Variants in SLC35F4 observed in about 807,000 individuals in gnomAD.
SLC35F4 encodes the protein chromosome 14 open reading frame 36.
In SLC35F4, 24 loss-of-function variants were observed where a neutral mutation model predicts 44.2. The observed-to-expected ratio is 0.54, with a 90% confidence interval of 0.39 to 0.76. SLC35F4 has a LOEUF of 0.76. SLC35F4 is among the 30% of genes least tolerant of loss of function. SLC35F4 has a pLI of 0.00. For missense variants in SLC35F4, 562 were observed against 586.1 expected (o/e 0.96, Z 0.42); for synonymous variants, 238 against 223.6 (o/e 1.06, Z -0.57).
At chr14:57,876,586 C>T (rs1306770810) in intron 1 of SLC35F4, among the ~76,000 whole-genome samples, 5 of 152,070 alleles carry the variant, frequency 3.3e-5, no homozygotes, top group Non-Finnish European at 7.4e-5. Flanking sequence ...TAAGTTACTT[C>T]TTATAAAAAC....
intron 1 of SLC35F4, among the ~76,000 whole-genome samples, chr14:57,813,880 T>C (rs1241049279): frequency 6.6e-6 from 1 of 152,080 alleles, no homozygotes; most frequent in African/African-American, 2.4e-5. Context: ...TGGTGCAAAT[T>C]CCCTTAGGTG....
intron 1 of SLC35F4, among the ~76,000 whole-genome samples, chr14:57,613,989 A>G (rs1384543421): frequency 6.6e-6 from 1 of 152,250 alleles, no homozygotes; most frequent in East Asian, 1.9e-4. Flanking sequence ...CTCTCAAAAA[A>G]TATTTACTGA....
chr14:57,911,917 C>T (rs773655271), intron 1 of SLC35F4, among the ~76,000 whole-genome samples: 11 of 151,978 alleles, frequency 7.2e-5, no homozygotes, highest in African/African-American at 2.6e-4. Flanking sequence ...CTAATGCTTT[C>T]TATTTTGGAA....
At chr14:57,649,626 G>C (rs1339992973) in intron 1 of SLC35F4, among the ~76,000 whole-genome samples, 1 of 152,158 alleles carries the variant, frequency 6.6e-6, no homozygotes. Flanking sequence ...TGGCATCTCT[G>C]AGGGGTCATT....
rs538887284 is a variant in SLC35F4, at chr14:57,803,460, G to A, written c.103+62263C>T. On this transcript the variant is annotated intron_variant, in intron 1 of 7. Coordinates refer to ENST00000556826, the MANE Select transcript of SLC35F4 (RefSeq NM_001306087.2). Reference sequence around the variant, plus strand: ...GTATTGGAAGTTCTGGCCAGGGCAAGCATGCAAGAGAAATAAGTAAAGGGT... The same window carrying A: ...GTATTGGAAGTTCTGGCCAGGGCAAACATGCAAGAGAAATAAGTAAAGGGT... 2.0e-5 allele frequency among the ~76,000 whole-genome samples: 3 copies of A among 152,118 alleles called. No individual in the cohort carries two copies. The East Asian group carries it at 5.8e-4, about 29-fold the overall frequency.
intron 1 of SLC35F4, among the ~76,000 whole-genome samples, chr14:57,782,304 C>G (rs1277978980): frequency 6.7e-6 from 1 of 148,468 alleles, no homozygotes; most frequent in Non-Finnish European, 1.5e-5. Flanking sequence ...GATTTTTTTT[C>G]AATATACTGG....
intron 1 of SLC35F4, among the ~76,000 whole-genome samples, chr14:57,977,708 C>T (rs1415920909): frequency 6.6e-6 from 1 of 152,144 alleles, no homozygotes; most frequent in African/African-American, 2.4e-5. Context: ...TTCCTCCAGT[C>T]GCACCAATGG....
chr14:57,967,087 C>T (rs934516400), intron 1 of SLC35F4, among the ~76,000 whole-genome samples: 2 of 151,784 alleles, frequency 1.3e-5, no homozygotes, highest in African/African-American at 4.8e-5. Context: ...TAAAAAAGAA[C>T]AAAATTTTAA....
chr14:57,877,848 C>A (rs377028811), intron 1 of SLC35F4, among the ~76,000 whole-genome samples: 1 of 151,776 alleles, frequency 6.6e-6, no homozygotes, highest in East Asian at 1.9e-4. Flanking sequence ...CCATACCTGG[C>A]TAATTTTTGT....
chr14:57,870,787 T>C (rs957266391), upstream of SLC35F4, among the ~76,000 whole-genome samples: 1 of 152,256 alleles, frequency 6.6e-6, no homozygotes, highest in Non-Finnish European at 1.5e-5. Context: ...ATTTACACTT[T>C]CACTCTCCAT....
chr14:57,811,189 T>C (rs989942561), intron 1 of SLC35F4, among the ~76,000 whole-genome samples: 5 of 152,130 alleles, frequency 3.3e-5, no homozygotes, highest in Non-Finnish European at 7.4e-5. Context: ...TTTTTCCTCA[T>C]TTCCCACCAA....
chr14:57,899,813 T>C (rs1440005283), intron 1 of SLC35F4, among the ~76,000 whole-genome samples: 1 of 152,164 alleles, frequency 6.6e-6, no homozygotes, highest in Non-Finnish European at 1.5e-5. Context: ...ACTTCAAGAA[T>C]GAAGCCGTGG....
At chr14:57,872,320 C>A (rs575898005) in intron 1 of SLC35F4, among the ~76,000 whole-genome samples, 1 of 152,056 alleles carries the variant, frequency 6.6e-6, no homozygotes, top group African/African-American at 2.4e-5. Flanking sequence ...TACAGAGGTA[C>A]CAAAGTGGAC....
chr14:57,616,841 C>A (rs2071859987), intron 1 of SLC35F4, among the ~76,000 whole-genome samples: 1 of 152,144 alleles, frequency 6.6e-6, no homozygotes, highest in African/African-American at 2.4e-5. Flanking sequence ...TCCCTTGACA[C>A]TGTGGGTCAG....
rs527351412 is a variant in SLC35F4, at chr14:57,714,184, A to G, written c.104-120060T>C. Among the ~76,000 whole-genome samples the G allele has an allele frequency of 6.7e-4, 102 of 152,322 alleles. 2 individuals are homozygous for G. Among genetic ancestry groups the G allele is most frequent in the Non-Finnish European group, 1.1e-3 (76 of 68,024 alleles). On this transcript the variant is annotated intron_variant, in intron 1 of 7. Coordinates refer to ENST00000556826, the MANE Select transcript of SLC35F4 (RefSeq NM_001306087.2). ...TATAGCAAAACCAACTTACTTTCTA[A>G]AAATCATTATTCTTTGACCCATTCC... is the stretch of plus-strand genomic sequence containing the variant.
chr14:57,856,346 G>A (rs937340194), intron 1 of SLC35F4, among the ~76,000 whole-genome samples: 3 of 152,056 alleles, frequency 2.0e-5, no homozygotes, highest in Non-Finnish European at 4.4e-5. Flanking sequence ...AAGTAGCATA[G>A]CAGGAGTATA....
chr14:57,970,997 C>T (rs569860763), intron 1 of SLC35F4, among the ~76,000 whole-genome samples: 2 of 152,246 alleles, frequency 1.3e-5, no homozygotes, highest in Admixed American at 1.3e-4. Flanking sequence ...TGACTTTGCT[C>T]TTATCTGTTA....
At chr14:57,619,681 T>C (rs1190817951) in intron 1 of SLC35F4, among the ~76,000 whole-genome samples, 2 of 152,016 alleles carry the variant, frequency 1.3e-5, no homozygotes, top group Non-Finnish European at 2.9e-5. Flanking sequence ...AAACTGAACG[T>C]AGAATGAGTT....
chr14:57,664,810 A>C (rs2074254334), intron 1 of SLC35F4, among the ~76,000 whole-genome samples: 2 of 152,314 alleles, frequency 1.3e-5, no homozygotes, highest in South Asian at 4.1e-4. Context: ...TGCTTCCATG[A>C]AAATCAGGCT....
Sources: allele counts gnomAD v4.1 joint callset (sites outside exome capture counted in the v4.1 genomes callset), GRCh38; gene constraint gnomAD v4.1.1; transcripts MANE v1.5; gene names NCBI Gene and HGNC (gene_info 2026-07-23, HGNC 2026-07-21).